Variants in DHDH observed in about 807,000 individuals in gnomAD.
The protein encoded by DHDH is trans-1,2-dihydrobenzene-1,2-diol dehydrogenase.
A neutral mutation model predicts 33.2 loss-of-function variants in DHDH; 29 were observed. The observed-to-expected ratio is 0.87, with a 90% CI of 0.65 to 1.19. The LOEUF (loss-of-function observed/expected upper bound fraction) is 1.19, where lower values mean the gene tolerates loss of function less well. DHDH is among the 50% of genes most tolerant of loss of function. The pLI, the probability that DHDH is intolerant of heterozygous loss-of-function variation, is 0.00. For synonymous variants in DHDH, 201 were observed against 187.9 expected (o/e 1.07, Z -0.57); for missense variants, 431 against 455.0 (o/e 0.95, Z 0.48).
chr19:48,937,682 G>T (rs1485137969), intron 3 of DHDH, among the ~76,000 whole-genome samples: 2 of 151,962 alleles, frequency 1.3e-5, no homozygotes, highest in Non-Finnish European at 1.5e-5. Flanking sequence ...CGTGGTGGCG[G>T]GCGCCTGTAG....
intron 3 of DHDH, among the ~76,000 whole-genome samples, chr19:48,937,811 T>A (rs1368907489): frequency 4.7e-4 from 60 of 127,264 alleles, no homozygotes; most frequent in Middle Eastern, 3.9e-3. Flanking sequence ...AGACTGTCTT[T>A]AAAAAAAAAA....
intron 4 of DHDH, among the ~76,000 whole-genome samples, chr19:48,941,547 A>T (rs913380993): frequency 6.6e-6 from 1 of 151,778 alleles, no homozygotes; most frequent in Non-Finnish European, 1.5e-5. Flanking sequence ...ACGCCTGGCT[A>T]TGTTTGTTTG....
At chr19:48,936,691 G>C (rs1406534306) in intron 3 of DHDH, among the ~76,000 whole-genome samples, 18 of 144,548 alleles carry the variant, frequency 1.2e-4, no homozygotes, top group African/African-American at 2.8e-4. Context: ...GTGAGACTCC[G>C]TCTCAAACAA....
intron 5 of DHDH, among the ~76,000 whole-genome samples, chr19:48,943,792 C>G (rs2037899882): frequency 6.7e-6 from 1 of 149,924 alleles, no homozygotes; most frequent in Admixed American, 6.7e-5. Flanking sequence ...AGCCATTGCA[C>G]TCCAGGCTGG....
chr19:48,943,554 G>T (rs757427644), intron 5 of DHDH, among the ~76,000 whole-genome samples: 15 of 151,620 alleles, frequency 9.9e-5, no homozygotes, highest in Non-Finnish European at 2.1e-4. Context: ...GGCTGGGCGC[G>T]GTGGCTCACA....
intron 2 of DHDH, among the ~76,000 whole-genome samples, chr19:48,935,390 A>G (rs2037757385): frequency 6.6e-6 from 1 of 152,202 alleles, no homozygotes; most frequent in South Asian, 2.1e-4. Context: ...GTATGGTGGC[A>G]CGCACCTGTA....
chr19:48,939,439 T>C lies in DHDH; in HGVS notation c.367-10T>C. The C allele has an allele frequency of 6.2e-7, 1 of 1,606,794 alleles. No homozygotes were observed. Among genetic ancestry groups the C allele is most frequent in the South Asian group, 1.1e-5 (1 of 90,834 alleles). On this transcript the variant is annotated splice_polypyrimidine_tract_variant and intron_variant, in intron 3 of 6. Transcript: ENST00000221403. ...ACTGGTTGGTTAACTCCTTTCCTTG[T>C]GGTCTGCAGGCCATCTGGACCCGCT... is the stretch of plus-strand genomic sequence containing the variant.
upstream of DHDH, chr19:48,933,666 G>A: frequency 6.4e-7 from 1 of 1,551,740 alleles, no homozygotes; most frequent in Non-Finnish European, 8.9e-7. Context: ...CGGGGCGTCA[G>A]GTACTTAATT....
At position 48,943,999 on chromosome 19, in the gene DHDH, A is replaced by AAAAGAAAG. The variant is rs547584496; in HGVS notation, c.745-342_745-335dup. Among the ~76,000 whole-genome samples, 635 of 152,052 alleles carry AAAAGAAAG rather than the reference A, an allele frequency of 4.2e-3. 6 individuals are homozygous for AAAAGAAAG. Among genetic ancestry groups the AAAAGAAAG allele is most frequent in the African/African-American group, 0.014 (600 of 41,410 alleles). Reference sequence around the variant, plus strand: ...GACAGAGCGAGACTCCATCTCAAAAAAAAGAAAGAAAGAAAGAAAGAAAAT... The same window carrying AAAAGAAAG: ...GACAGAGCGAGACTCCATCTCAAAAAAAAGAAAGAAAGAAAGAAAGAAAGAAAGAAAAT... On this transcript the variant is annotated intron_variant, in intron 5 of 6. Coordinates refer to ENST00000221403, the MANE Select transcript of DHDH (RefSeq NM_014475.4).
intron 2 of DHDH, 99 bp downstream of exon 2, chr19:48,935,210 C>T (rs2122243662): frequency 2.2e-6 from 2 of 908,694 alleles, no homozygotes; most frequent in Non-Finnish European, 3.1e-6. Context: ...ATGGTCCAAT[C>T]CCTTTGGGTT....
At chr19:48,937,196 A>G (rs111376097) in intron 3 of DHDH, among the ~76,000 whole-genome samples, 1 of 152,178 alleles carries the variant, frequency 6.6e-6, no homozygotes, top group Non-Finnish European at 1.5e-5. Context: ...TGGGGGCACC[A>G]GTAGCCTACT....
chr19:48,937,668 C>T (rs577506544), intron 3 of DHDH, among the ~76,000 whole-genome samples: 1 of 151,858 alleles, frequency 6.6e-6, no homozygotes, highest in African/African-American at 2.4e-5. Context: ...AAAAATTAGC[C>T]GGGCGTGGTG....
At chr19:48,934,008 T>G (rs1282117204) in intron 1 of DHDH, among the ~76,000 whole-genome samples, 197 bp downstream of exon 1, 2 of 152,230 alleles carry the variant, frequency 1.3e-5, no homozygotes, top group African/African-American at 4.8e-5. Flanking sequence ...TTACTGTGTC[T>G]ACGTAGAAAA....
intron 4 of DHDH, among the ~76,000 whole-genome samples, chr19:48,941,984 T>TTG (rs2037866975): frequency 8.5e-6 from 1 of 117,926 alleles, no homozygotes. Flanking sequence ...AGACTGTACT[T>TTG]CGTGTGTGTG....
chr19:48,940,122 A>G (rs1467985566), intron 4 of DHDH, among the ~76,000 whole-genome samples: 2 of 152,066 alleles, frequency 1.3e-5, no homozygotes, highest in African/African-American at 2.4e-5. Context: ...TGGGAGGCCG[A>G]GGTGGCCAGA....
chr19:48,935,323 G>A (rs75697898), intron 2 of DHDH, among the ~76,000 whole-genome samples: 9,736 of 152,162 alleles, frequency 0.064, 356 homozygotes, highest in Admixed American at 0.1. Flanking sequence ...GACCAGCCTC[G>A]GCAACGTAGC....
At chr19:48,944,761 T>A (rs1568599392) in intron 6 of DHDH, 63 bp from the exon 7 acceptor site, 3 of 1,429,350 alleles carry the variant, frequency 2.1e-6, no homozygotes, top group East Asian at 2.3e-5. Flanking sequence ...ATTCTGGGAA[T>A]TGTAGTTCTT....
At chr19:48,935,710 G>C (rs1393878572) in intron 2 of DHDH, among the ~76,000 whole-genome samples, 3 of 151,598 alleles carry the variant, frequency 2.0e-5, no homozygotes, top group Admixed American at 1.3e-4. Context: ...CCAGCTACTC[G>C]GGAGGCTGAG....
At chr19:48,943,737 A>AC (rs1441079084) in intron 5 of DHDH, among the ~76,000 whole-genome samples, 1 of 152,000 alleles carries the variant, frequency 6.6e-6, no homozygotes, top group Admixed American at 6.6e-5. Context: ...GAGGCAGGAG[A>AC]ATTGCCTGAA....
Sources: gnomAD v4.1 joint callset for allele counts (sites outside exome capture counted in the v4.1 genomes callset) on GRCh38, gnomAD v4.1.1 for gene constraint, MANE v1.5 for transcripts, NCBI Gene and HGNC (gene_info 2026-07-23, HGNC 2026-07-21) for gene names.